Variants in IQCH observed in about 807,000 individuals in gnomAD.
IQCH encodes the protein IQ motif containing H, also known as IQ domain-containing protein H.
IQCH carries 98 observed loss-of-function variants against 117.0 expected under a neutral mutation model. The observed-to-expected ratio is 0.84, with a 90% CI of 0.71 to 0.99. The LOEUF (loss-of-function observed/expected upper bound fraction) is 0.99, where lower values mean the gene tolerates loss of function less well. Among genes scored for constraint, IQCH ranks in the 50% least tolerant of loss-of-function variants. The probability of loss-of-function intolerance (pLI) is 0.00; values close to 1 mark genes in which losing one functional copy is unlikely to be tolerated. For missense variants in IQCH, 1,102 were observed against 1,243.8 expected (o/e 0.89, Z 1.72); for synonymous variants, 412 against 448.2 (o/e 0.92, Z 1.02).
At chr15:67,396,478 A>T (rs999850288) in intron 13 of IQCH, among the ~76,000 whole-genome samples, 5 of 152,238 alleles carry the variant, frequency 3.3e-5, no homozygotes, top group African/African-American at 4.8e-5. Context: ...GGTCTAAAAC[A>T]TGGGGAGAAA....
At chr15:67,279,081 G>T (rs1040075844) in intron 3 of IQCH, among the ~76,000 whole-genome samples, 1 of 152,016 alleles carries the variant, frequency 6.6e-6, no homozygotes, top group Non-Finnish European at 1.5e-5. Flanking sequence ...ACAACATTAT[G>T]TATTTTCTTT....
chr15:67,314,283 A>G (rs1967739011), intron 4 of IQCH, among the ~76,000 whole-genome samples: 1 of 151,868 alleles, frequency 6.6e-6, no homozygotes, highest in African/African-American at 2.4e-5. Flanking sequence ...TCTGACCCCC[A>G]TCCCCCACCC....
intron 15 of IQCH, among the ~76,000 whole-genome samples, chr15:67,420,783 G>A (rs2140917347): frequency 6.6e-6 from 1 of 152,282 alleles, no homozygotes; most frequent in South Asian, 2.1e-4. Flanking sequence ...TTTTATAACT[G>A]GCTTTATATA....
rs779906669 is a variant in IQCH, at chr15:67,357,362, C to T, written c.655C>T (p.Arg219Trp). 48 of 1,609,478 alleles carry T rather than the reference C, an allele frequency of 3.0e-5. No individual in the cohort carries two copies. Among genetic ancestry groups the T allele is most frequent in the Non-Finnish European group, 3.1e-5 (37 of 1,175,844 alleles). ...IPTVATFTIPREPPPSPAEVK... is the reference protein window; with the variant it reads ...IPTVATFTIPWEPPPSPAEVK... ...ATCCACAGCCACTTTCACTATACCTCGGGAACCACCTCCATCTCCAGCAGA... is the reference window on the plus strand; with the variant it reads ...ATCCACAGCCACTTTCACTATACCTTGGGAACCACCTCCATCTCCAGCAGA... Residue 219 changes from arginine to tryptophan, a missense_variant, in exon 7 of 21, where the codon CGG (arginine) becomes TGG (tryptophan). Arg to Trp is a moderately radical substitution (Grantham distance 101). This residue lies in a region of IQCH where 452 missense variants were observed against 449.6 expected (regional missense o/e 1.01). Coordinates refer to ENST00000335894, the MANE Select transcript of IQCH (RefSeq NM_001031715.3).
At chr15:67,266,836 G>A (rs1003989255) in intron 3 of IQCH, among the ~76,000 whole-genome samples, 1 of 151,808 alleles carries the variant, frequency 6.6e-6, no homozygotes, top group African/African-American at 2.4e-5. Flanking sequence ...TCTAATATGG[G>A]TGAAAAAAAA....
At position 67,359,720 on chromosome 15, in the gene IQCH, A is replaced by G; in HGVS notation, c.715-127A>G. 1 of 799,094 alleles carries G rather than the reference A, an allele frequency of 1.3e-6. No individual in the cohort carries two copies. The highest frequency in any genetic ancestry group is 2.2e-6 in the Non-Finnish European group (1 of 455,666). 49.5% of individuals were successfully genotyped at this position (799,094 alleles called of 1,614,324 possible). ...AATTATTAGCTCCTGCCTGCGTGGA[A>G]AGAGAGAACAGGCTGGCCCAGCGGG... On this transcript the variant is annotated intron_variant, in intron 7 of 20. Coordinates refer to ENST00000335894, the MANE Select transcript of IQCH (RefSeq NM_001031715.3). This position sits in a 1 kb window ranked among gnomAD's most constrained non-coding sequence, Gnocchi z 4.5.
At chr15:67,357,242 G>T (rs1422432307) in intron 6 of IQCH, 103 bp from the exon 7 acceptor site, 1 of 771,756 alleles carries the variant, frequency 1.3e-6, no homozygotes, top group African/African-American at 1.7e-5. Context: ...CGCACAGTGG[G>T]TGACAGAGCC....
At chr15:67,415,342 C>G (rs567512417) in intron 14 of IQCH, among the ~76,000 whole-genome samples, 2 of 152,292 alleles carry the variant, frequency 1.3e-5, no homozygotes, top group South Asian at 4.2e-4. Context: ...CCCAGCCCTT[C>G]TTAACAGACC....
intron 4 of IQCH, among the ~76,000 whole-genome samples, chr15:67,289,874 A>C (rs2140499454): frequency 6.6e-6 from 1 of 152,232 alleles, no homozygotes; most frequent in African/African-American, 2.4e-5. Flanking sequence ...AATTTTTAAA[A>C]CCAAACAATA....
chr15:67,414,899 C>A (rs2081539077), intron 14 of IQCH, among the ~76,000 whole-genome samples: 1 of 152,072 alleles, frequency 6.6e-6, no homozygotes, highest in East Asian at 1.9e-4. Context: ...CAAAGCAATT[C>A]CCACTTGTCT....
intron 2 of IQCH, among the ~76,000 whole-genome samples, chr15:67,261,995 G>T (rs1160926579): frequency 1.3e-5 from 2 of 151,968 alleles, no homozygotes; most frequent in Non-Finnish European, 2.9e-5. Context: ...AGGCTGAGGT[G>T]GGAGGATTGC....
chr15:67,304,475 AATG>A, intron 4 of IQCH: 1 of 1,239,652 alleles, frequency 8.1e-7, no homozygotes, highest in Non-Finnish European at 1.1e-6. Flanking sequence ...GAGTTGTTTT[AATG>A]AGCTCTTATT....
chr15:67,435,583 TAA>T (rs2082118396), intron 16 of IQCH, among the ~76,000 whole-genome samples: 1 of 150,248 alleles, frequency 6.7e-6, no homozygotes, highest in South Asian at 2.1e-4. Flanking sequence ...CTCAAAAAAA[TAA>T]AAGTTGGCTG....
At chr15:67,418,632 G>T (rs1246177600) in intron 15 of IQCH, among the ~76,000 whole-genome samples, 1 of 143,542 alleles carries the variant, frequency 7.0e-6, no homozygotes, top group Non-Finnish European at 1.5e-5. Context: ...AGGCTGGAGT[G>T]CAATGGTGCG....
chr15:67,362,296 A>T (rs949287298), intron 8 of IQCH, among the ~76,000 whole-genome samples: 12 of 150,144 alleles, frequency 8.0e-5, no homozygotes, highest in African/African-American at 2.0e-4. Context: ...CTCCAAATTT[A>T]AAAAAAAAAT....
intron 5 of IQCH, among the ~76,000 whole-genome samples, chr15:67,340,421 C>A: frequency 1.9e-5 from 1 of 52,824 alleles, no homozygotes; most frequent in African/African-American, 8.6e-5. Flanking sequence ...AGAGATACTC[C>A]ATCTCAAAAA....
At chr15:67,392,402 A>G (rs1164348328) in intron 12 of IQCH, among the ~76,000 whole-genome samples, 1 of 152,158 alleles carries the variant, frequency 6.6e-6, no homozygotes, top group Non-Finnish European at 1.5e-5. Context: ...GGGAAAGACA[A>G]ACCTGCCAGG....
At chr15:67,374,146 T>G (rs181532267) in intron 10 of IQCH, 67 of 152,516 alleles carry the variant, frequency 4.4e-4, no homozygotes, top group African/African-American at 1.5e-3. Flanking sequence ...GGAGTTTCTT[T>G]TAAGACATGA....
intron 4 of IQCH, among the ~76,000 whole-genome samples, chr15:67,293,594 T>A (rs1226744836): frequency 3.3e-5 from 5 of 150,814 alleles, no homozygotes; most frequent in Non-Finnish European, 7.3e-5. Flanking sequence ...ATACATTTTT[T>A]AAAAAATATT....
Sources: allele counts gnomAD v4.1 joint callset (sites outside exome capture counted in the v4.1 genomes callset), GRCh38; gene constraint gnomAD v4.1.1; regional missense constraint gnomAD v4.1.1; non-coding constraint Gnocchi (gnomAD v3.1); transcripts MANE v1.5; gene names NCBI Gene and HGNC (gene_info 2026-07-23, HGNC 2026-07-21).